The following XPO5 variants were observed in gnomAD, a reference collection of about 807,000 sequenced individuals.
XPO5 encodes exportin 5.
XPO5 carries 46 observed loss-of-function variants against 160.6 expected under a neutral mutation model. That is an observed-to-expected ratio of 0.29 (90% confidence interval 0.23 to 0.37). The LOEUF (loss-of-function observed/expected upper bound fraction) is 0.37. XPO5 is among the 10% of genes least tolerant of loss of function. The pLI is 1.00. For synonymous variants in XPO5, 537 were observed against 519.3 expected (o/e 1.03, Z -0.46); for missense variants, 1,090 against 1,463.9 (o/e 0.74, Z 4.17).
chr6:43,539,315 A>G, intron 20 of XPO5: 1 of 1,567,866 alleles, frequency 6.4e-7, no homozygotes, highest in South Asian at 1.1e-5. Context: ...GTAGTCCCCG[A>G]TAGCAACAAA....
chr6:43,566,219 C>A (rs183112224), intron 7 of XPO5, among the ~76,000 whole-genome samples: 1 of 152,142 alleles, frequency 6.6e-6, no homozygotes, highest in East Asian at 1.9e-4. Flanking sequence ...ATAGTGAAAC[C>A]CCATCTCTAC....
intron 20 of XPO5, among the ~76,000 whole-genome samples, chr6:43,541,905 G>A (rs895498672): frequency 6.6e-6 from 1 of 152,092 alleles, no homozygotes; most frequent in Non-Finnish European, 1.5e-5. Context: ...AACCTTTTGA[G>A]TAGCTGGGGT....
intron 7 of XPO5, among the ~76,000 whole-genome samples, chr6:43,566,084 C>T (rs1762680982): frequency 6.6e-6 from 1 of 151,952 alleles, no homozygotes; most frequent in Non-Finnish European, 1.5e-5. Context: ...TGGTGAAACC[C>T]TGTCTCTACT....
chr6:43,564,009 G>A (rs1762556207), intron 8 of XPO5, among the ~76,000 whole-genome samples: 3 of 152,116 alleles, frequency 2.0e-5, no homozygotes, highest in African/African-American at 2.4e-5. Context: ...TGCAACTTTC[G>A]CCTCCCAGGT....
At chr6:43,529,153 C>G in intron 23 of XPO5, 2 of 1,385,436 alleles carry the variant, frequency 1.4e-6, no homozygotes, top group Non-Finnish European at 2.0e-6. Context: ...TCAGGCTGCA[C>G]ATTATGGTCA....
At chr6:43,524,422 CAT>C (rs776638949) in intron 31 of XPO5, 47 bp downstream of exon 31, 15 of 1,586,854 alleles carry the variant, frequency 9.5e-6, no homozygotes, top group Admixed American at 1.8e-5. Flanking sequence ...TGCCCATACA[CAT>C]GATTTAAGAA....
At chr6:43,528,973 A>C in intron 23 of XPO5, 48 bp from the exon 24 acceptor site, 1 of 1,549,880 alleles carries the variant, frequency 6.5e-7, no homozygotes, top group South Asian at 1.2e-5. Flanking sequence ...CACATCTCTC[A>C]CCTGCCAGGT....
intron 1 of XPO5, among the ~76,000 whole-genome samples, chr6:43,573,846 C>T (rs1398553232): frequency 2.2e-5 from 3 of 134,234 alleles, no homozygotes; most frequent in East Asian, 2.2e-4. Flanking sequence ...TTTTTTGAGA[C>T]GGAGTCTCAC....
chr6:43,556,003 T>C, intron 12 of XPO5, 39 bp from the exon 13 acceptor site: 1 of 1,609,838 alleles, frequency 6.2e-7, no homozygotes, highest in Non-Finnish European at 8.5e-7. Flanking sequence ...CAGGAATCAA[T>C]AACTGGTATA....
Position 43,548,697 on chromosome 6 carries a change from C to A in XPO5, c.1861-237G>T, listed in dbSNP as rs571620951. ...ATAACTGCACTTTCCCATACTACAA[C>A]TGTGAAAAGATCAGCTTGTTTTATA... On this transcript the variant is annotated intron_variant, in intron 17 of 31. Transcript: ENST00000265351. 4.6e-5 allele frequency among the ~76,000 whole-genome samples: 7 copies of A among 151,622 alleles called. No homozygotes were observed. The East Asian group carries it at 1.4e-3, about 29-fold the overall frequency.
chr6:43,573,530 T>C lies in XPO5; in HGVS notation c.177A>G (p.Gln59=), dbSNP rs1226348762. 4.3e-6 allele frequency: 7 copies of C among 1,613,670 alleles called. No homozygotes were observed. Among genetic ancestry groups the C allele is most frequent in the South Asian group, 1.1e-5 (1 of 91,076 alleles). The change falls in exon 2 of 32, where the codon CAA becomes CAG. Residue 59 remains glutamine, a synonymous_variant. Transcript: ENST00000265351. The stretch of plus-strand genomic sequence containing the variant: ...GGCCAAAATGTCTGACGATGGCAAC[T>C]TGTGTTTTCTCAGCCAACCTCAAGC... ...PCGLRLAEKT[Q]VAIVRHFGLQ...
chr6:43,570,378 A>AT (rs1009196759), intron 5 of XPO5, 124 bp downstream of exon 5: 4 of 635,980 alleles, frequency 6.3e-6, no homozygotes, highest in Non-Finnish European at 9.1e-6. Context: ...CTAGTTTTTT[A>AT]TTTTTTTGCT....
intron 25 of XPO5, 131 bp downstream of exon 25, chr6:43,528,028 C>T (rs1395859791): frequency 3.1e-6 from 3 of 959,332 alleles, no homozygotes; most frequent in African/African-American, 3.3e-5. Flanking sequence ...CCATGTATCA[C>T]CTAGGCTGAG....
At position 43,523,342 on chromosome 6, in the gene XPO5, G is replaced by A. The variant is rs886191703; in HGVS notation, c.*526C>T. 4 of 264,262 alleles carry A rather than the reference G, an allele frequency of 1.5e-5. No homozygotes were observed. Among genetic ancestry groups the A allele is most frequent in the Non-Finnish European group, 3.0e-5 (4 of 134,366 alleles). 16.4% of individuals were successfully genotyped at this position (264,262 alleles called of 1,614,324 possible). A position where few individuals can be genotyped will look rare whatever the true frequency, so the allele number is the denominator to read the frequency against. Reference sequence around the variant, plus strand: ...GAGAGAACTGACCAAGTTCTCTTCAGCACTTAGCACCTAACCCAGACATGC... The same window carrying A: ...GAGAGAACTGACCAAGTTCTCTTCAACACTTAGCACCTAACCCAGACATGC... On this transcript the variant is annotated 3_prime_UTR_variant, in exon 32 of 32. Transcript: ENST00000265351.
chr6:43,540,152 G>A (rs1012120850), intron 20 of XPO5, among the ~76,000 whole-genome samples: 13 of 152,124 alleles, frequency 8.5e-5, no homozygotes, highest in Non-Finnish European at 2.9e-5. Flanking sequence ...TACTTTGAGA[G>A]GCCAAGGAGG....
intron 8 of XPO5, among the ~76,000 whole-genome samples, chr6:43,564,490 T>C (rs1358568565): frequency 6.6e-6 from 1 of 151,914 alleles, no homozygotes; most frequent in East Asian, 1.9e-4. Context: ...GATCGCATCA[T>C]TGCACCCCAG....
chr6:43,551,543 G>A, intron 14 of XPO5, 90 bp from the exon 15 acceptor site: 1 of 1,501,254 alleles, frequency 6.7e-7, no homozygotes, highest in South Asian at 1.2e-5. Flanking sequence ...CTTTTAAAGA[G>A]ACAGGGTCTC....
chr6:43,533,145 C>CAA lies in XPO5; in HGVS notation c.2443+760_2443+761dup, dbSNP rs112187126. Among the ~76,000 whole-genome samples the CAA allele has an allele frequency of 3.7e-4, 54 of 146,028 alleles. 1 individual carries two copies. Among genetic ancestry groups the CAA allele is most frequent in the Middle Eastern group, 3.7e-3 (1 of 272 alleles). On this transcript the variant is annotated intron_variant, in intron 21 of 31. Coordinates refer to ENST00000265351, the MANE Select transcript of XPO5 (RefSeq NM_020750.3). ...GTGAGACTCTCTCAAGAAAACAAAA[C>CAA]AAAACAAAAAAGGTAACAATTGGGA...
chr6:43,523,372 T>TA lies in XPO5; in HGVS notation c.*495dup. 3.3e-6 allele frequency: 1 copy of TA among 301,184 alleles called. No individual in the cohort carries two copies. Among genetic ancestry groups the TA allele is most frequent in the Non-Finnish European group, 6.5e-6 (1 of 154,016 alleles). The allele number at this position is 301,184 out of a possible 1,614,324, so 18.7% of individuals were successfully genotyped here. On this transcript the variant is annotated 3_prime_UTR_variant, in exon 32 of 32. Transcript: ENST00000265351. ...TAGCACCTAACCCAGACATGCCCCT[T>TA]AGGGAGTGGGGAAAGTTTCCTGCCA...
Sources: gnomAD v4.1 joint callset for allele counts (sites outside exome capture counted in the v4.1 genomes callset) on GRCh38, gnomAD v4.1.1 for gene constraint, MANE v1.5 for transcripts, NCBI Gene and HGNC (gene_info 2026-07-23, HGNC 2026-07-21) for gene names.